Variants in NUDT3 observed in about 807,000 individuals in gnomAD.
The protein encoded by NUDT3 is nudix hydrolase 3.
In NUDT3, 9 loss-of-function variants were observed where a neutral mutation model predicts 23.6. The observed-to-expected ratio is 0.38, with a 90% CI of 0.23 to 0.66. The LOEUF (loss-of-function observed/expected upper bound fraction) is 0.66, where lower values mean the gene tolerates loss of function less well. Ranked by LOEUF, NUDT3 falls within the 30% of genes least tolerant of loss-of-function variation. The probability of loss-of-function intolerance (pLI) is 0.52; values close to 1 mark genes in which losing one functional copy is unlikely to be tolerated. For synonymous variants in NUDT3, 86 were observed against 82.6 expected (o/e 1.04, Z -0.22); for missense variants, 172 against 218.5 (o/e 0.79, Z 1.34).
At position 34,392,542 on chromosome 6, in the gene NUDT3, G is replaced by A; in HGVS notation, c.-180C>T. The stretch of plus-strand genomic sequence containing the variant: ...CGGCCGCCTCATTCCCCCAGGCCCA[G>A]GTCCCGCGCCGCCGCTGCCACCGTC... On this transcript the variant is annotated 5_prime_UTR_variant, in exon 1 of 5. Coordinates refer to ENST00000607016, the MANE Select transcript of NUDT3 (RefSeq NM_006703.4). 2.5e-6 allele frequency: 1 copy of A among 405,704 alleles called. No homozygotes were observed. Among genetic ancestry groups the A allele is most frequent in the East Asian group, 4.0e-5 (1 of 25,020 alleles). 25.1% of individuals were successfully genotyped at this position (405,704 alleles called of 1,614,324 possible). A position where few individuals can be genotyped will look rare whatever the true frequency, so the allele number is the denominator to read the frequency against.
At chr6:34,361,542 CA>C (rs1172842433) in intron 1 of NUDT3, among the ~76,000 whole-genome samples, 3 of 152,130 alleles carry the variant, frequency 2.0e-5, no homozygotes, top group Admixed American at 1.3e-4. Context: ...CCCAAAAAGT[CA>C]GAAACTTAAG....
intron 1 of NUDT3, among the ~76,000 whole-genome samples, chr6:34,356,320 T>A (rs1463874739): frequency 6.6e-6 from 1 of 152,222 alleles, no homozygotes; most frequent in Non-Finnish European, 1.5e-5. Context: ...CTTATAGTTG[T>A]TCACAATATT....
At chr6:34,366,289 T>C (rs1764727567) in intron 1 of NUDT3, among the ~76,000 whole-genome samples, 2 of 150,366 alleles carry the variant, frequency 1.3e-5, no homozygotes, top group South Asian at 2.1e-4. Flanking sequence ...GGTGGGAGAA[T>C]CACTTGAGCT....
intron 1 of NUDT3, among the ~76,000 whole-genome samples, chr6:34,358,140 T>C (rs1174591795): frequency 1.3e-5 from 2 of 152,144 alleles, no homozygotes; most frequent in Non-Finnish European, 2.9e-5. Flanking sequence ...CAGTCTGCAA[T>C]ATGGTTTCAT....
Position 34,392,267 on chromosome 6 carries a change from C to T in NUDT3, c.96G>A (p.Glu32=), listed in dbSNP as rs1174226469. Residue 32 remains glutamate (E), a synonymous_variant, in exon 1 of 5, where the codon GAG becomes GAA. Transcript: ENST00000607016. ...CCCGCCCAGCCTGCCGCCTCACCTCCTCCTCGCTCTCGCTGCGGAAACACA... is the reference window on the plus strand; with the variant it reads ...CCCGCCCAGCCTGCCGCCTCACCTCTTCCTCGCTCTCGCTGCGGAAACACA... ...ACLCFRSESE[E]EVLLVSSSRH... is the part of the protein sequence containing the mutation. 1 of 1,595,652 alleles carries T rather than the reference C, an allele frequency of 6.3e-7. No homozygotes were observed. Among genetic ancestry groups the T allele is most frequent in the Admixed American group, 1.7e-5 (1 of 58,714 alleles).
intron 3 of NUDT3, among the ~76,000 whole-genome samples, chr6:34,294,428 T>A (rs1239827161): frequency 6.6e-6 from 1 of 151,860 alleles, no homozygotes; most frequent in Non-Finnish European, 1.5e-5. Flanking sequence ...AGCCACCTTT[T>A]AAAAAAATTT....
intron 2 of NUDT3, among the ~76,000 whole-genome samples, chr6:34,323,449 C>T (rs1471204544): frequency 6.6e-6 from 1 of 152,068 alleles, no homozygotes; most frequent in African/African-American, 2.4e-5. Flanking sequence ...TGCCTGTAGT[C>T]CCAGCTACTC....
intron 2 of NUDT3, among the ~76,000 whole-genome samples, chr6:34,328,311 G>A (rs1276267386): frequency 1.3e-5 from 2 of 152,112 alleles, no homozygotes; most frequent in East Asian, 3.8e-4. Flanking sequence ...CATTTACGGT[G>A]TACTGCATGA....
At chr6:34,289,519 A>G (rs558361760) in intron 4 of NUDT3, among the ~76,000 whole-genome samples, 20 of 152,332 alleles carry the variant, frequency 1.3e-4, no homozygotes, top group African/African-American at 4.6e-4. Context: ...GTGAGCTGTC[A>G]TCGCGCCACT....
intron 2 of NUDT3, among the ~76,000 whole-genome samples, chr6:34,327,764 T>C (rs1165821027): frequency 6.6e-6 from 1 of 152,008 alleles, no homozygotes; most frequent in Admixed American, 6.6e-5. Flanking sequence ...AGCAGAGTGT[T>C]CCCTGACTCC....
intron 2 of NUDT3, among the ~76,000 whole-genome samples, chr6:34,314,615 A>G (rs956799156): frequency 1.3e-5 from 2 of 151,978 alleles, no homozygotes; most frequent in African/African-American, 4.8e-5. Flanking sequence ...TCCTAACTAC[A>G]TAAAGGAACC....
intron 1 of NUDT3, among the ~76,000 whole-genome samples, chr6:34,367,169 C>A (rs1305754760): frequency 6.6e-6 from 1 of 152,066 alleles, no homozygotes; most frequent in Non-Finnish European, 1.5e-5. Flanking sequence ...CAGGTGTGAG[C>A]CACAATGCCT....
chr6:34,342,907 G>A (rs1453927871), intron 1 of NUDT3, among the ~76,000 whole-genome samples: 1 of 152,068 alleles, frequency 6.6e-6, no homozygotes, highest in Non-Finnish European at 1.5e-5. Context: ...TAACATTCCA[G>A]TCATCCCCAG....
intron 2 of NUDT3, among the ~76,000 whole-genome samples, chr6:34,311,825 T>C (rs958921740): frequency 2.0e-5 from 3 of 151,924 alleles, no homozygotes; most frequent in East Asian, 3.9e-4. Flanking sequence ...GAGAAAAAAA[T>C]TGTCTTTTCT....
chr6:34,386,223 C>G (rs1385661532), intron 1 of NUDT3, among the ~76,000 whole-genome samples: 2 of 152,124 alleles, frequency 1.3e-5, no homozygotes, highest in Non-Finnish European at 2.9e-5. Context: ...CAGGTTCAAA[C>G]TACTGTAATA....
intron 2 of NUDT3, among the ~76,000 whole-genome samples, chr6:34,329,207 T>C (rs188324188): frequency 1.3e-4 from 20 of 152,132 alleles, no homozygotes. Context: ...TGTATATATA[T>C]AGAGAGATAT....
chr6:34,291,242 A>T (rs754303594), intron 4 of NUDT3, among the ~76,000 whole-genome samples: 3 of 152,020 alleles, frequency 2.0e-5, no homozygotes, highest in Non-Finnish European at 4.4e-5. Context: ...TACAAACGTG[A>T]TCCACCATGC....
At chr6:34,341,201 G>A (rs556366866) in intron 2 of NUDT3, among the ~76,000 whole-genome samples, 2 of 152,034 alleles carry the variant, frequency 1.3e-5, no homozygotes, top group South Asian at 2.1e-4. Flanking sequence ...ATAATAGTTC[G>A]TTTCTCTGGG....
intron 2 of NUDT3, among the ~76,000 whole-genome samples, chr6:34,300,198 G>A (rs1179044666): frequency 6.6e-6 from 1 of 152,206 alleles, no homozygotes; most frequent in Non-Finnish European, 1.5e-5. Flanking sequence ...AGGCACTAAT[G>A]TGGGTGATGG....
Sources: gnomAD v4.1 joint callset for allele counts (sites outside exome capture counted in the v4.1 genomes callset) on GRCh38, gnomAD v4.1.1 for gene constraint, MANE v1.5 for transcripts, NCBI Gene and HGNC (gene_info 2026-07-23, HGNC 2026-07-21) for gene names.